The following NBPF14 variants were observed in gnomAD, a reference collection of about 807,000 sequenced individuals.
NBPF14 encodes the protein NBPF family member NBPF14.
A neutral mutation model predicts 91.2 loss-of-function variants in NBPF14; 104 were observed. That is an observed-to-expected ratio of 1.14 (90% CI 0.97 to 1.34). The LOEUF is 1.34. NBPF14 is among the 40% of genes most tolerant of loss of function. The pLI is 0.00. For synonymous variants in NBPF14, 294 were observed against 303.8 expected, an observed-to-expected ratio of 0.97 and a Z score of 0.34; for missense variants, 908 against 783.0, an observed-to-expected ratio of 1.16 and a Z score of -1.91.
chr1:148,576,133 A>G (rs1171461901), intron 16 of NBPF14, among the ~76,000 whole-genome samples: 1 of 112,620 alleles, frequency 8.9e-6, no homozygotes, highest in Non-Finnish European at 1.7e-5. Flanking sequence ...GATCATGAAA[A>G]GAGTGGGCTC....
chr1:148,559,357 A>T (rs1657187631), intron 37 of NBPF14, among the ~76,000 whole-genome samples: 1 of 130,410 alleles, frequency 7.7e-6, no homozygotes, highest in Admixed American at 7.4e-5. Context: ...CAATCGATTT[A>T]AAGCAATTGC....
intron 8 of NBPF14, among the ~76,000 whole-genome samples, 181 bp downstream of exon 8, chr1:148,587,120 C>T (rs1208913367): frequency 8.7e-5 from 13 of 148,794 alleles, no homozygotes; most frequent in African/African-American, 2.4e-4. Flanking sequence ...TGAGAAACAA[C>T]TGCAACCCAT....
chr1:148,561,481 T>A (rs1657715882), exon 35 of NBPF14: 1 of 359,756 alleles, frequency 2.8e-6, no homozygotes, highest in Non-Finnish European at 4.6e-6. Context: ...CTGGCAGGAG[T>A]CAGGCTGTTC....
chr1:148,534,966 G>T (rs1480388369), intron 68 of NBPF14, 110 bp from the exon 69 acceptor site: 2 of 738,926 alleles, frequency 2.7e-6, no homozygotes, highest in Non-Finnish European at 2.5e-6. Context: ...AAAAAGGACA[G>T]ATCCATTAAT....
At chr1:148,542,210 A>G (rs1171276388) in intron 59 of NBPF14, among the ~76,000 whole-genome samples, 1 of 84,950 alleles carries the variant, frequency 1.2e-5, no homozygotes, top group Non-Finnish European at 1.9e-5. Flanking sequence ...CATGGTTGTG[A>G]GGACTTTAGA....
At chr1:148,559,435 T>A (rs1201864207) in intron 37 of NBPF14, among the ~76,000 whole-genome samples, 4 of 133,624 alleles carry the variant, frequency 3.0e-5, no homozygotes, top group Non-Finnish European at 6.0e-5. Context: ...AGATTGTTCA[T>A]GGTAGCGAGG....
chr1:148,533,927 C>T (rs1654318683), exon 70 of NBPF14: 2 of 741,374 alleles, frequency 2.7e-6, no homozygotes, highest in South Asian at 1.4e-5. Flanking sequence ...CTTCTTTGAT[C>T]TTCTTCCCCT....
chr1:148,586,871 T>C (rs1661621338), intron 8 of NBPF14, among the ~76,000 whole-genome samples: 3 of 137,164 alleles, frequency 2.2e-5, no homozygotes, highest in African/African-American at 7.9e-5. Context: ...ATGGGGCGAA[T>C]TGAAAAGATG....
chr1:148,535,875 G>C (rs1278242684), intron 67 of NBPF14, among the ~76,000 whole-genome samples: 2 of 150,550 alleles, frequency 1.3e-5, no homozygotes, highest in Non-Finnish European at 1.5e-5. Flanking sequence ...ATGGTAGCGA[G>C]GATTTTAGAC....
At chr1:148,559,875 T>G (rs1218295216) in exon 37 of NBPF14, 1 of 1,415,792 alleles carries the variant, frequency 7.1e-7, no homozygotes, top group Non-Finnish European at 9.6e-7. Context: ...AGTCAGTCAG[T>G]TCAAGACAAC....
chr1:148,559,949 G>C (rs1164211882), exon 37 of NBPF14: 1 of 1,376,036 alleles, frequency 7.3e-7, no homozygotes, highest in Non-Finnish European at 1.0e-6. Context: ...TTCTCATGCA[G>C]CAGCTCCCTG....
At chr1:148,560,157 G>GACAGAGAC (rs1295860937) in intron 36 of NBPF14, among the ~76,000 whole-genome samples, 192 bp from the exon 37 acceptor site, 1 of 150,080 alleles carries the variant, frequency 6.7e-6, no homozygotes, top group Non-Finnish European at 1.5e-5. Flanking sequence ...GAGAAAGACA[G>GACAGAGAC]AGAGAGAGAG....
intron 36 of NBPF14, among the ~76,000 whole-genome samples, 167 bp from the exon 37 acceptor site, chr1:148,560,132 T>C (rs1657497857): frequency 1.3e-5 from 2 of 150,894 alleles, no homozygotes; most frequent in South Asian, 4.2e-4. Flanking sequence ...CAGGGCCAGG[T>C]AGAAAACAAT....
At chr1:148,561,840 G>T (rs1417197108) in intron 34 of NBPF14, among the ~76,000 whole-genome samples, 1 of 137,832 alleles carries the variant, frequency 7.3e-6, no homozygotes, top group Non-Finnish European at 1.5e-5. Context: ...GAGAGAGAGA[G>T]AGAGAGAACG....
intron 37 of NBPF14, among the ~76,000 whole-genome samples, chr1:148,559,371 C>A (rs1265745276): frequency 4.5e-5 from 6 of 132,230 alleles, no homozygotes; most frequent in Non-Finnish European, 9.0e-5. Context: ...CAATTGCCCC[C>A]AAATGGTTGC....
At chr1:148,534,979 G>C (rs1333728107) in intron 68 of NBPF14, 123 bp from the exon 69 acceptor site, 5 of 731,646 alleles carry the variant, frequency 6.8e-6, no homozygotes, top group East Asian at 5.1e-5. Flanking sequence ...CCATTAATGA[G>C]GTAACGAATT....
chr1:148,560,361 G>C (rs1657618457), intron 36 of NBPF14, among the ~76,000 whole-genome samples: 1 of 134,092 alleles, frequency 7.5e-6, no homozygotes, highest in Non-Finnish European at 1.5e-5. Context: ...GGCCATGAGA[G>C]TACAGCTTTT....
intron 16 of NBPF14, among the ~76,000 whole-genome samples, 199 bp downstream of exon 16, chr1:148,576,211 C>G (rs1295780324): frequency 8.7e-6 from 1 of 115,500 alleles, no homozygotes; most frequent in Non-Finnish European, 1.7e-5. Context: ...TATGGTCAAC[C>G]TATAGTAAGT....
chr1:148,557,151 G>T (rs1656746747), intron 40 of NBPF14, among the ~76,000 whole-genome samples: 3 of 115,128 alleles, frequency 2.6e-5, no homozygotes, highest in Admixed American at 8.7e-5. Context: ...GGAGTAACAG[G>T]ACACTCTGAG....
Sources: gnomAD v4.1 joint callset for allele counts (sites outside exome capture counted in the v4.1 genomes callset) on GRCh38, gnomAD v4.1.1 for gene constraint, MANE v1.5 for transcripts, NCBI Gene and HGNC (gene_info 2026-07-23, HGNC 2026-07-21) for gene names.